The following MED27 variants were observed in gnomAD, a reference collection of about 807,000 sequenced individuals.
MED27 encodes the protein mediator complex subunit 27.
MED27 carries 30 observed loss-of-function variants against 38.2 expected under a neutral mutation model. The observed-to-expected ratio is 0.79, with a 90% CI of 0.59 to 1.07. The LOEUF is 1.07. MED27 is among the 50% of genes least tolerant of loss of function. The probability of loss-of-function intolerance (pLI) is 0.00; values close to 1 mark genes in which losing one functional copy is unlikely to be tolerated. For synonymous variants in MED27, 122 were observed against 153.5 expected, an observed-to-expected ratio of 0.79 and a Z score of 1.52; for missense variants, 289 against 397.5, an observed-to-expected ratio of 0.73 and a Z score of 2.32.
chr9:131,909,738 G>A (rs1830154218), intron 4 of MED27, among the ~76,000 whole-genome samples: 2 of 152,224 alleles, frequency 1.3e-5, no homozygotes, highest in African/African-American at 4.8e-5. Context: ...ACAGTTGCAA[G>A]TTAGCAACAA....
At chr9:132,002,152 C>A (rs570209657) in intron 3 of MED27, among the ~76,000 whole-genome samples, 1 of 152,194 alleles carries the variant, frequency 6.6e-6, no homozygotes, top group Admixed American at 6.5e-5. Context: ...AGGCCCTGAG[C>A]TCAGAGCGTA....
chr9:131,876,230 G>A (rs1236466510), intron 6 of MED27, among the ~76,000 whole-genome samples: 2 of 152,210 alleles, frequency 1.3e-5, no homozygotes, highest in Admixed American at 6.5e-5. Flanking sequence ...ACTGCAGCCC[G>A]CACAACCCTT....
At chr9:132,074,843 C>A (rs1014050197) in intron 2 of MED27, among the ~76,000 whole-genome samples, 4 of 152,230 alleles carry the variant, frequency 2.6e-5, no homozygotes, top group Non-Finnish European at 4.4e-5. Flanking sequence ...AGGACATTAT[C>A]TGCTATAACA....
At chr9:131,901,295 G>A (rs980706294) in intron 4 of MED27, among the ~76,000 whole-genome samples, 17 of 152,340 alleles carry the variant, frequency 1.1e-4, no homozygotes, top group African/African-American at 3.8e-4. Flanking sequence ...TCTGTACTGT[G>A]TGCAACACTG....
chr9:131,985,229 G>A (rs1831823885), intron 3 of MED27, among the ~76,000 whole-genome samples: 1 of 151,912 alleles, frequency 6.6e-6, no homozygotes, highest in African/African-American at 2.4e-5. Flanking sequence ...CAAGACTCTG[G>A]CATCCCCTTT....
intron 3 of MED27, among the ~76,000 whole-genome samples, chr9:131,996,762 C>T (rs960508859): frequency 1.3e-5 from 2 of 152,178 alleles, no homozygotes; most frequent in African/African-American, 4.8e-5. Flanking sequence ...CAACCTCCTC[C>T]TCCTTACTCT....
At chr9:131,994,830 ATGCCTGTGGT>A (rs1320393359) in intron 3 of MED27, among the ~76,000 whole-genome samples, 3 of 152,160 alleles carry the variant, frequency 2.0e-5, no homozygotes, top group Non-Finnish European at 4.4e-5. Context: ...TCCCCAGCTC[ATGCCTGTGGT>A]TGCCTGGGGG....
intron 1 of MED27, among the ~76,000 whole-genome samples, chr9:132,078,815 T>C (rs542251101): frequency 1.7e-3 from 262 of 152,278 alleles, no homozygotes; most frequent in African/African-American, 5.6e-3. Context: ...GACTCTCTTA[T>C]AAAACAGAAG....
intron 2 of MED27, among the ~76,000 whole-genome samples, chr9:132,075,456 A>C (rs1834025905): frequency 6.6e-6 from 1 of 152,236 alleles, no homozygotes; most frequent in Admixed American, 6.5e-5. Flanking sequence ...AATCTGGGAT[A>C]AATGCATACG....
intron 3 of MED27, among the ~76,000 whole-genome samples, chr9:131,979,504 A>C (rs74460808): frequency 2.7e-4 from 30 of 110,004 alleles, no homozygotes; most frequent in African/African-American, 5.9e-4. Flanking sequence ...AAAAAAAAAA[A>C]CCCCACAATA....
intron 2 of MED27, among the ~76,000 whole-genome samples, chr9:132,036,784 A>C (rs1833088966): frequency 6.6e-6 from 1 of 152,188 alleles, no homozygotes. Flanking sequence ...TTGGAACCTC[A>C]AAGAGGTTAC....
intron 4 of MED27, among the ~76,000 whole-genome samples, chr9:131,899,399 C>T (rs1024522753): frequency 5.3e-5 from 8 of 152,216 alleles, no homozygotes; most frequent in Admixed American, 4.6e-4. Flanking sequence ...GTCAGGCAGC[C>T]AGACCTCCTG....
intron 2 of MED27, among the ~76,000 whole-genome samples, chr9:132,052,920 T>C (rs935823685): frequency 1.3e-5 from 2 of 152,196 alleles, no homozygotes; most frequent in African/African-American, 4.8e-5. Context: ...TTAATCCACC[T>C]TCCATTCTTT....
intron 3 of MED27, among the ~76,000 whole-genome samples, chr9:131,950,301 C>T (rs1830966896): frequency 6.6e-6 from 1 of 152,214 alleles, no homozygotes; most frequent in African/African-American, 2.4e-5. Flanking sequence ...CAACAATTCA[C>T]ATGGAGTTAA....
chr9:131,927,153 C>T (rs1244359498), intron 4 of MED27, among the ~76,000 whole-genome samples: 9 of 152,084 alleles, frequency 5.9e-5, no homozygotes, highest in South Asian at 2.1e-4. Context: ...CTTCAAAGAA[C>T]GGAAGCAAGA....
At chr9:132,057,460 T>A (rs1484122998) in intron 2 of MED27, among the ~76,000 whole-genome samples, 1 of 152,222 alleles carries the variant, frequency 6.6e-6, no homozygotes, top group Non-Finnish European at 1.5e-5. Context: ...GTGGTTGGTG[T>A]GCCTTCAAGA....
chr9:131,864,844 C>G (rs1199472303), intron 6 of MED27, among the ~76,000 whole-genome samples: 1 of 152,248 alleles, frequency 6.6e-6, no homozygotes, highest in Non-Finnish European at 1.5e-5. Context: ...GTACTGCATA[C>G]TGAGTAAGGC....
At chr9:131,970,679 G>A (rs191322783) in intron 3 of MED27, among the ~76,000 whole-genome samples, 2 of 152,298 alleles carry the variant, frequency 1.3e-5, no homozygotes, top group Non-Finnish European at 2.9e-5. Context: ...AAGAACATGC[G>A]AAATGAGAAC....
intron 4 of MED27, among the ~76,000 whole-genome samples, chr9:131,907,827 G>T (rs1367853354): frequency 6.7e-6 from 1 of 149,422 alleles, no homozygotes; most frequent in African/African-American, 2.5e-5. Flanking sequence ...ATCTCTGCCC[G>T]GCCGCCCATC....
Sources: allele counts gnomAD v4.1 joint callset (sites outside exome capture counted in the v4.1 genomes callset), GRCh38; gene constraint gnomAD v4.1.1; transcripts MANE v1.5; gene names NCBI Gene and HGNC (gene_info 2026-07-23, HGNC 2026-07-21).